Variants in KIAA1958 observed in about 807,000 individuals in gnomAD.
KIAA1958 encodes KIAA1958, also known as uncharacterized protein KIAA1958.
Under a neutral mutation model 47.2 loss-of-function variants are expected in KIAA1958, and 14 were observed. That is an observed-to-expected ratio of 0.30 (90% CI 0.20 to 0.46). The LOEUF (loss-of-function observed/expected upper bound fraction) is 0.46, where lower values mean the gene tolerates loss of function less well. KIAA1958 is among the 20% of genes least tolerant of loss of function. The pLI is 1.00. For missense variants in KIAA1958, 803 were observed against 909.2 expected (o/e 0.88, Z 1.50); for synonymous variants, 354 against 353.3 (o/e 1.00, Z -0.02).
At chr9:112,584,251 G>A (rs1373059550) in intron 2 of KIAA1958, among the ~76,000 whole-genome samples, 1 of 152,130 alleles carries the variant, frequency 6.6e-6, no homozygotes, top group African/African-American at 2.4e-5. Flanking sequence ...TCATCTGTAA[G>A]ATAAAGATGC....
At chr9:112,513,483 T>TGGCTTAGGGAGCCCGTCCGGCCATGGG (rs1232113705) in intron 1 of KIAA1958, among the ~76,000 whole-genome samples, 1 of 17,086 alleles carries the variant, frequency 5.9e-5, no homozygotes, top group African/African-American at 4.4e-4. Context: ...CTGGGGTCGG[T>TGGCTTAGGGAGCCCGTCCGGCCATGGG]GGCCGCGGCT....
In KIAA1958 at chr9:112,618,103, C is replaced by T. The variant is rs1485286258; in HGVS notation, c.1172-27547C>T. 6 of 1,550,566 alleles carry T rather than the reference C, an allele frequency of 3.9e-6. No individual in the cohort carries two copies. Among genetic ancestry groups the T allele is most frequent in the Non-Finnish European group, 4.4e-6 (5 of 1,147,006 alleles). On this transcript the variant is annotated intron_variant, in intron 2 of 3. Transcript: ENST00000337530. The surrounding 1 kb of genome is among the most constrained non-coding windows in gnomAD (Gnocchi z 7.1). ...ACGAACCCAACAGCTTGGCCAATTACCAGTGTGGGCTCGAAAGGTACCTGA... is the reference window on the plus strand; with the variant it reads ...ACGAACCCAACAGCTTGGCCAATTATCAGTGTGGGCTCGAAAGGTACCTGA...
chr9:112,540,136 T>C (rs1588008674), intron 1 of KIAA1958, among the ~76,000 whole-genome samples: 3 of 152,302 alleles, frequency 2.0e-5, no homozygotes, highest in Admixed American at 2.0e-4. Flanking sequence ...TGTAAAATAG[T>C]GACATATGAG....
intron 2 of KIAA1958, among the ~76,000 whole-genome samples, chr9:112,616,524 A>G (rs150663009): frequency 3.9e-5 from 6 of 152,348 alleles, no homozygotes; most frequent in Non-Finnish European, 8.8e-5. Context: ...TTTTCTAGAT[A>G]ACATAATTAA....
chr9:112,640,934 T>C (rs2131238950), intron 2 of KIAA1958, among the ~76,000 whole-genome samples: 1 of 152,346 alleles, frequency 6.6e-6, no homozygotes, highest in Admixed American at 6.5e-5. Flanking sequence ...ATTGCAGGTG[T>C]TGGATTTTTG....
At chr9:112,507,980 A>T (rs1424733485) in intron 1 of KIAA1958, among the ~76,000 whole-genome samples, 1 of 152,000 alleles carries the variant, frequency 6.6e-6, no homozygotes, top group Non-Finnish European at 1.5e-5. Context: ...CCCTTTGAGA[A>T]TTGGATAAAA....
At chr9:112,552,844 G>C (rs1018056278) in intron 1 of KIAA1958, among the ~76,000 whole-genome samples, 1 of 152,070 alleles carries the variant, frequency 6.6e-6, no homozygotes, top group East Asian at 1.9e-4. Context: ...ATTCAAGTCG[G>C]CATGGAGCTG....
intron 1 of KIAA1958, among the ~76,000 whole-genome samples, chr9:112,503,481 C>G (rs1031639142): frequency 3.3e-5 from 5 of 151,852 alleles, no homozygotes; most frequent in Admixed American, 3.3e-4. Context: ...TACTCCTTCT[C>G]TACAAAAAAT....
chr9:112,526,767 C>A (rs1834664904), intron 1 of KIAA1958, among the ~76,000 whole-genome samples: 1 of 152,208 alleles, frequency 6.6e-6, no homozygotes. Flanking sequence ...CTAGTCAGCT[C>A]TTAAAGGTCC....
At chr9:112,551,179 CAT>C (rs778986789) in intron 1 of KIAA1958, among the ~76,000 whole-genome samples, 12 of 152,034 alleles carry the variant, frequency 7.9e-5, no homozygotes, top group Non-Finnish European at 1.5e-4. Flanking sequence ...AATGCATTCA[CAT>C]GTTATATAAC....
chr9:112,582,470 A>G (rs1277760433), intron 2 of KIAA1958: 1 of 153,664 alleles, frequency 6.5e-6, no homozygotes, highest in Non-Finnish European at 1.5e-5. Context: ...GAATGGCCGT[A>G]AGAGTGACTT....
At chr9:112,499,422 G>A (rs1426919193) in intron 1 of KIAA1958, among the ~76,000 whole-genome samples, 1 of 152,066 alleles carries the variant, frequency 6.6e-6, no homozygotes, top group African/African-American at 2.4e-5. Context: ...AGCATTTTAA[G>A]GAATGTTCTG....
In KIAA1958 at chr9:112,574,462, C is replaced by T. The variant is rs1457476458; in HGVS notation, c.382C>T (p.Pro128Ser). The T allele has an allele frequency of 2.5e-6, 4 of 1,613,954 alleles. No homozygotes were observed. The highest frequency in any genetic ancestry group is 1.7e-5 in the Admixed American group (1 of 59,990). ...TTGTGACTTCTCCTACTGTAGTGAGCCCTCTGAACTGGATGAAACTGTTGA... is the reference window on the plus strand; with the variant it reads ...TTGTGACTTCTCCTACTGTAGTGAGTCCTCTGAACTGGATGAAACTGTTGA... ...DSCDFSYCSE[P>S]SELDETVEEY... Residue 128 changes from proline (P) to serine (S), a missense_variant, in exon 2 of 4, where the codon CCC becomes TCC. This residue lies in a region of KIAA1958 where 761 missense variants were observed against 829.3 expected (regional missense o/e 0.92). Transcript: ENST00000337530.
intron 1 of KIAA1958, among the ~76,000 whole-genome samples, chr9:112,504,484 C>T (rs1834201528): frequency 6.6e-6 from 1 of 152,214 alleles, no homozygotes; most frequent in Non-Finnish European, 1.5e-5. Context: ...CCACCATGCC[C>T]TGCCAAGATT....
Position 112,663,253 on chromosome 9 carries a change from GC to G in KIAA1958, c.*3189del. ...TTTCTGTCTATCCCCCCCACCGCCGGCCCCCGGAATCTAAGCAGACTCCCTG... is the reference window on the plus strand; with the variant it reads ...TTTCTGTCTATCCCCCCCACCGCCGGCCCCGGAATCTAAGCAGACTCCCTG... On this transcript the variant is annotated 3_prime_UTR_variant, in exon 4 of 4. Transcript: ENST00000337530. 3 of 151,620 alleles carry G rather than the reference GC, an allele frequency of 2.0e-5. No individual in the cohort carries two copies. Among genetic ancestry groups the G allele is most frequent in the Non-Finnish European group, 4.4e-5 (3 of 68,266 alleles). The allele number at this position is 151,620 out of a possible 1,614,324, so 9.4% of individuals were successfully genotyped here.
intron 2 of KIAA1958, among the ~76,000 whole-genome samples, chr9:112,593,613 C>G (rs1287829940): frequency 6.6e-6 from 1 of 152,094 alleles, no homozygotes; most frequent in African/African-American, 2.4e-5. Context: ...GGGTCTTCCT[C>G]TATCACCCAG....
At chr9:112,512,561 A>C (rs1834340289) in intron 1 of KIAA1958, among the ~76,000 whole-genome samples, 1 of 152,266 alleles carries the variant, frequency 6.6e-6, no homozygotes, top group African/African-American at 2.4e-5. Context: ...TAATAATTTA[A>C]GACTGAATGC....
At chr9:112,507,352 T>C (rs1223913740) in intron 1 of KIAA1958, among the ~76,000 whole-genome samples, 1 of 152,148 alleles carries the variant, frequency 6.6e-6, no homozygotes, top group East Asian at 1.9e-4. Flanking sequence ...TTGTTTTTTG[T>C]TTTTGTTTCT....
At chr9:112,590,729 A>G (rs936398157) in intron 2 of KIAA1958, among the ~76,000 whole-genome samples, 5 of 152,210 alleles carry the variant, frequency 3.3e-5, no homozygotes, top group Non-Finnish European at 5.9e-5. Flanking sequence ...GGGTGGAGGT[A>G]GGGGCCAACG....
Sources: gnomAD v4.1 joint callset for allele counts (sites outside exome capture counted in the v4.1 genomes callset) on GRCh38, gnomAD v4.1.1 for gene constraint, gnomAD v4.1.1 regional missense constraint, Gnocchi (gnomAD v3.1) non-coding constraint, MANE v1.5 for transcripts, NCBI Gene and HGNC (gene_info 2026-07-23, HGNC 2026-07-21) for gene names.